Variants in ZBTB34 observed in about 807,000 individuals in gnomAD.
The protein encoded by ZBTB34 is zinc finger and BTB domain containing 34.
A neutral mutation model predicts 33.4 loss-of-function variants in ZBTB34; 1 was observed. The ratio of observed to expected loss-of-function variants is 0.03; its 90% CI spans 0.01 to 0.14. ZBTB34 has a LOEUF of 0.14. ZBTB34 is among the 10% of genes least tolerant of loss of function. The pLI, the probability that ZBTB34 is intolerant of heterozygous loss-of-function variation, is 1.00. For synonymous variants in ZBTB34, 283 were observed against 253.5 expected, an observed-to-expected ratio of 1.12 and a Z score of -1.11; for missense variants, 406 against 657.2, an observed-to-expected ratio of 0.62 and a Z score of 4.18.
chr9:126,877,077 C>T (rs921323079), intron 1 of ZBTB34, among the ~76,000 whole-genome samples: 6 of 152,130 alleles, frequency 3.9e-5, no homozygotes, highest in African/African-American at 1.2e-4. Flanking sequence ...CCTTTTCTGA[C>T]CTCCTGAGTT....
At chr9:126,869,354 C>T (rs1811991417) in intron 1 of ZBTB34, among the ~76,000 whole-genome samples, 1 of 151,984 alleles carries the variant, frequency 6.6e-6, no homozygotes, top group Admixed American at 6.6e-5. Context: ...CCTTGGTTTC[C>T]TCATCTTTAA....
At chr9:126,871,648 G>T (rs997084966) in intron 1 of ZBTB34, among the ~76,000 whole-genome samples, 18 of 151,992 alleles carry the variant, frequency 1.2e-4, no homozygotes, top group African/African-American at 4.3e-4. Flanking sequence ...TTTCTTTAAA[G>T]TAGGGTACAG....
chr9:126,864,796 T>G (rs1353161807), intron 1 of ZBTB34, among the ~76,000 whole-genome samples: 1 of 152,208 alleles, frequency 6.6e-6, no homozygotes, highest in Non-Finnish European at 1.5e-5. Context: ...CAGAAATACC[T>G]AGAAAAGTTA....
At chr9:126,869,557 A>G (rs1159653646) in intron 1 of ZBTB34, among the ~76,000 whole-genome samples, 1 of 152,100 alleles carries the variant, frequency 6.6e-6, no homozygotes, top group Non-Finnish European at 1.5e-5. Context: ...AGGGGCAGTC[A>G]TCCCCTTTCA....
At position 126,879,405 on chromosome 9, in the gene ZBTB34, A is replaced by G; in HGVS notation, c.6A>G (p.Ser2=). The change falls in exon 2 of 2, where the codon TCA becomes TCG. Residue 2 remains serine, a synonymous_variant. Transcript: ENST00000319119. The surrounding 1 kb of genome is among the most constrained non-coding windows in gnomAD (Gnocchi z 6.4). ...CTCTCCGCAGAGTACGCTTCATGTC[A>G]GTAGAAATGGACAGCAGCAGTTTTA... 6.2e-7 allele frequency: 1 copy of G among 1,610,638 alleles called. No homozygotes were observed. The highest frequency in any genetic ancestry group is 2.2e-5 in the East Asian group (1 of 44,844).
chr9:126,872,611 C>T (rs1337175497), intron 1 of ZBTB34, among the ~76,000 whole-genome samples: 1 of 151,986 alleles, frequency 6.6e-6, no homozygotes, highest in Non-Finnish European at 1.5e-5. Flanking sequence ...CCTGGGATCA[C>T]TGGACCTGAT....
In ZBTB34 at chr9:126,880,858, G is replaced by C. The variant is rs751498971; in HGVS notation, c.1459G>C (p.Glu487Gln). 1.1e-5 allele frequency: 17 copies of C among 1,613,426 alleles called. No individual in the cohort carries two copies. Among genetic ancestry groups the C allele is most frequent in the Non-Finnish European group, 1.4e-5 (17 of 1,179,860 alleles). Residue 487 changes from glutamate to glutamine, a missense_variant, in exon 2 of 2, where the codon GAG becomes CAG. Around this residue, in one of 6 missense-constraint regions of ZBTB34, gnomAD observed 58 missense variants for 58.7 expected, o/e 0.99. Coordinates refer to ENST00000319119, the Ensembl canonical transcript of ZBTB34. This position sits in a 1 kb window ranked among gnomAD's most constrained non-coding sequence, Gnocchi z 6.7. ...ACTAGAAAATGACGCATCGGCCTCA[G>C]AGATGGGCCTAGATTCCCGGATGGA...
Position 126,880,505 on chromosome 9 carries a change from G to A in ZBTB34, c.1106G>A (p.Trp369Ter), listed in dbSNP as rs1281159792. Residue 369 changes from tryptophan (W) to a stop codon, truncating the protein, a stop_gained, in exon 2 of 2, where the codon TGG becomes TAG. Transcript: ENST00000319119. LOFTEE classifies it high-confidence loss of function. This position sits in a 1 kb window ranked among gnomAD's most constrained non-coding sequence, Gnocchi z 6.7. Reference sequence around the variant, plus strand: ...CGGGAGAGGAGTGCGAGAGGGCATTGGTACCCGTACAATGAGAGGTTGATC... The same window carrying A: ...CGGGAGAGGAGTGCGAGAGGGCATTAGTACCCGTACAATGAGAGGTTGATC... 1 of 1,613,744 alleles carries A rather than the reference G, an allele frequency of 6.2e-7. No homozygotes were observed. Among genetic ancestry groups the A allele is most frequent in the Non-Finnish European group, 8.5e-7 (1 of 1,179,904 alleles).
chr9:126,875,301 C>T (rs866657921), intron 1 of ZBTB34, among the ~76,000 whole-genome samples: 10 of 152,236 alleles, frequency 6.6e-5, no homozygotes, highest in Middle Eastern at 6.8e-3. Flanking sequence ...TACTAGAAAG[C>T]ATTAAATTAC....
chr9:126,882,817 TAAAA>T (rs2033461905), exon 2 of ZBTB34: 1 of 167,064 alleles, frequency 6.0e-6, no homozygotes, highest in African/African-American at 2.4e-5. Context: ...TTTTGAGAAA[TAAAA>T]AGTCATTCAA....
At chr9:126,868,063 A>G (rs1170832723) in intron 1 of ZBTB34, among the ~76,000 whole-genome samples, 1 of 152,022 alleles carries the variant, frequency 6.6e-6, no homozygotes, top group Non-Finnish European at 1.5e-5. Context: ...GTTTCTGTTC[A>G]CCCTTCTCAG....
At chr9:126,861,427 A>G (rs908884098) in intron 1 of ZBTB34, among the ~76,000 whole-genome samples, 1 of 152,174 alleles carries the variant, frequency 6.6e-6, no homozygotes, top group African/African-American at 2.4e-5. Flanking sequence ...GGCCTTCCGC[A>G]AGCCCCTTCC....
intron 1 of ZBTB34, among the ~76,000 whole-genome samples, chr9:126,870,895 C>T (rs190378556): frequency 1.3e-5 from 2 of 152,096 alleles, no homozygotes; most frequent in Admixed American, 1.3e-4. Flanking sequence ...CCACTGCACT[C>T]CAGCCTGGGC....
At chr9:126,881,366 A>G (rs2033439046) in exon 2 of ZBTB34, 1 of 161,922 alleles carries the variant, frequency 6.2e-6, no homozygotes, top group Non-Finnish European at 1.5e-5. Flanking sequence ...GACAATTTAT[A>G]TATATATATA....
intron 1 of ZBTB34, among the ~76,000 whole-genome samples, chr9:126,876,440 T>C (rs2033365126): frequency 6.6e-6 from 1 of 151,600 alleles, no homozygotes; most frequent in Non-Finnish European, 1.5e-5. Context: ...ATATGGGTTT[T>C]CTCCTGTACT....
At chr9:126,877,824 G>A (rs536044384) in intron 1 of ZBTB34, among the ~76,000 whole-genome samples, 27 of 151,160 alleles carry the variant, frequency 1.8e-4, no homozygotes, top group South Asian at 1.7e-3. Context: ...GGCTAACATG[G>A]TGAAACCCCA....
chr9:126,867,147 A>G (rs1223887483), intron 1 of ZBTB34, among the ~76,000 whole-genome samples: 1 of 111,374 alleles, frequency 9.0e-6, no homozygotes, highest in African/African-American at 3.5e-5. Flanking sequence ...TTTTTTTGCT[A>G]TAGCAAAGAA....
chr9:126,880,269 C>T lies in ZBTB34; in HGVS notation c.870C>T (p.Ser290=), dbSNP rs1225822557. 1.2e-6 allele frequency: 2 copies of T among 1,613,904 alleles called. No individual in the cohort carries two copies. Among genetic ancestry groups the T allele is most frequent in the Non-Finnish European group, 1.7e-6 (2 of 1,179,896 alleles). Reference sequence around the variant, plus strand: ...TGCTCCAGCACGCATACTCCTATTCCCAAGCAGCCTCACAGCCAACCAATG... The same window carrying T: ...TGCTCCAGCACGCATACTCCTATTCTCAAGCAGCCTCACAGCCAACCAATG... The change falls in exon 2 of 2, where the codon TCC becomes TCT. Residue 290 remains serine (S), a synonymous_variant. Transcript: ENST00000319119. The surrounding 1 kb of genome is among the most constrained non-coding windows in gnomAD (Gnocchi z 6.7).
chr9:126,863,416 G>T (rs1295463775), intron 1 of ZBTB34, among the ~76,000 whole-genome samples: 1 of 152,148 alleles, frequency 6.6e-6, no homozygotes, highest in African/African-American at 2.4e-5. Flanking sequence ...ACTGAGTTTT[G>T]GATTTCTGCA....
Sources: gnomAD v4.1 joint callset for allele counts (sites outside exome capture counted in the v4.1 genomes callset) on GRCh38, gnomAD v4.1.1 for gene constraint, gnomAD v4.1.1 regional missense constraint, Gnocchi (gnomAD v3.1) non-coding constraint, MANE v1.5 for transcripts, NCBI Gene and HGNC (gene_info 2026-07-23, HGNC 2026-07-21) for gene names.